FAAH2: variants seen among roughly 807,000 people sequenced by gnomAD.
FAAH2 encodes the protein fatty acid amide hydrolase 2.
A neutral mutation model predicts 36.9 loss-of-function variants in FAAH2; 60 were observed. The ratio of observed to expected loss-of-function variants is 1.63; its 90% confidence interval spans 1.32 to 2.02. The LOEUF is 2.02. Ranked by LOEUF, FAAH2 falls within the 30% of genes most tolerant of loss-of-function variation. The pLI is 0.00. For synonymous variants in FAAH2, 214 were observed against 143.8 expected, an observed-to-expected ratio of 1.49 and a Z score of -3.49; for missense variants, 689 against 397.5, an observed-to-expected ratio of 1.73 and a Z score of -6.23.
intron 3 of FAAH2, among the ~76,000 whole-genome samples, chrX:57,312,264 G>A (rs1451597925): frequency 8.9e-5 from 10 of 112,022 alleles, no homozygotes; most frequent in South Asian, 7.4e-4. Flanking sequence ...ACTAGCTACC[G>A]GCCATTACTC....
At chrX:57,295,564 C>T (rs142353612) in intron 2 of FAAH2, among the ~76,000 whole-genome samples, 3,157 of 111,936 alleles carry the variant, frequency 0.028, 117 homozygotes, top group African/African-American at 0.096. Flanking sequence ...GCATTTCCAA[C>T]GGAGGTACTG....
rs891843079 is a variant in FAAH2 at position 57,395,360 on chromosome X, C to A, written c.996+14331C>A. On this transcript the variant is annotated intron_variant, in intron 7 of 10. Coordinates refer to ENST00000374900, the MANE Select transcript of FAAH2 (RefSeq NM_174912.4). ...AGTGACTTGATTCTTCAGTCTCGCC[C>A]TTATTTGTGCGGAGATCTCCTTCCT... 4.3e-6 allele frequency: 3 copies of A among 692,534 alleles called. No individual in the cohort carries two copies. The African/African-American group carries it at 6.5e-5, about 15-fold the overall frequency. 57.1% of individuals were successfully genotyped at this position (692,534 alleles called of 1,213,427 possible).
chrX:57,199,721 C>A, the FAAH2 span, among the ~76,000 whole-genome samples: 1 of 111,321 alleles, frequency 9.0e-6, no homozygotes, highest in Non-Finnish European at 1.9e-5. Context: ...CTATCTCTCT[C>A]CTTAGTAATA....
chrX:57,332,749 G>T (rs774274784), intron 4 of FAAH2, among the ~76,000 whole-genome samples: 17 of 112,079 alleles, frequency 1.5e-4, no homozygotes, highest in African/African-American at 5.2e-4. Context: ...AGATTGGAGA[G>T]AAATCTTCTC....
the FAAH2 span, among the ~76,000 whole-genome samples, chrX:57,203,027 C>T: frequency 3.6e-5 from 4 of 111,781 alleles, no homozygotes; most frequent in Non-Finnish European, 7.5e-5. Flanking sequence ...GTGCTGACAC[C>T]AGCTCAGTGG....
chrX:57,322,647 A>G (rs1263074231), intron 3 of FAAH2, among the ~76,000 whole-genome samples: 1 of 110,464 alleles, frequency 9.1e-6, no homozygotes, highest in East Asian at 2.8e-4. Context: ...TGAGTTCTAG[A>G]TTCGGTCTCT....
chrX:57,462,165 CAAAAAAAAA>C (rs34690622), intron 10 of FAAH2, among the ~76,000 whole-genome samples: 4 of 51,863 alleles, frequency 7.7e-5, no homozygotes, highest in Non-Finnish European at 1.4e-4. Flanking sequence ...TAATAGCCTA[CAAAAAAAAA>C]AAAAAAAAAA....
At chrX:57,308,010 C>A (rs1407675238) in intron 2 of FAAH2, among the ~76,000 whole-genome samples, 2 of 111,558 alleles carry the variant, frequency 1.8e-5, no homozygotes, top group African/African-American at 6.5e-5. Context: ...TTCCATGATG[C>A]ATATACACCA....
chrX:57,428,974 A>C (rs2056228242), intron 7 of FAAH2, among the ~76,000 whole-genome samples: 1 of 111,728 alleles, frequency 9.0e-6, no homozygotes. Context: ...CTATTTACAA[A>C]CAATACATCC....
intron 10 of FAAH2, among the ~76,000 whole-genome samples, chrX:57,466,247 C>T (rs1290386400): frequency 3.9e-5 from 4 of 103,132 alleles, no homozygotes; most frequent in Non-Finnish European, 5.9e-5. Context: ...AGCTATTTTG[C>T]TGCAAACTTT....
chrX:57,399,065 C>T lies in FAAH2; in HGVS notation c.996+18036C>T, dbSNP rs188459330. On this transcript the variant is annotated intron_variant, in intron 7 of 10. Transcript: ENST00000374900. ...ACTAGCAGGCCGGTCCAGGAATCCA[C>T]GGTAGATCTTAGTCATGGACTGCAA... is the stretch of plus-strand genomic sequence containing the variant. Among the ~76,000 whole-genome samples the T allele has an allele frequency of 6.9e-3, 764 of 111,384 alleles. 6 individuals carry two copies. The highest frequency in any genetic ancestry group is 0.014 in the Middle Eastern group (3 of 217).
chrX:57,249,568 G>T, the FAAH2 span, among the ~76,000 whole-genome samples: 1 of 111,832 alleles, frequency 8.9e-6, no homozygotes, highest in Non-Finnish European at 1.9e-5. Flanking sequence ...GTATAAGCAA[G>T]TGCTGAAAAA....
At chrX:57,392,583 G>A (rs1323428893) in intron 7 of FAAH2, 43 of 813,007 alleles carry the variant, frequency 5.3e-5, no homozygotes, top group Non-Finnish European at 7.3e-5. Flanking sequence ...CTCCCAGTGG[G>A]CCTGAATAGA....
At chrX:57,318,745 T>A (rs1430475938) in intron 3 of FAAH2, among the ~76,000 whole-genome samples, 2 of 112,092 alleles carry the variant, frequency 1.8e-5, no homozygotes, top group African/African-American at 3.2e-5. Context: ...CCAATATCCT[T>A]GATGAACATC....
Position 57,447,695 on chromosome X carries a change from C to T in FAAH2, c.1228+656C>T, listed in dbSNP as rs929951172. 3.6e-5 allele frequency among the ~76,000 whole-genome samples: 4 copies of T among 110,382 alleles called. No individual in the cohort carries two copies. The Admixed American group carries it at 3.9e-4, about 11-fold the overall frequency. ...ATCTTGGCCCCTTTTAGCCATGATT[C>T]TAGCCATGGCTAGAGGGGCTGGAAT... On this transcript the variant is annotated intron_variant, in intron 9 of 10. Transcript: ENST00000374900.
At chrX:57,444,151 G>A (rs1378423581) in intron 8 of FAAH2, among the ~76,000 whole-genome samples, 3 of 112,375 alleles carry the variant, frequency 2.7e-5, no homozygotes, top group South Asian at 7.4e-4. Context: ...CAGACAGGAC[G>A]TTTAATTCTG....
intron 7 of FAAH2, chrX:57,394,501 A>T: frequency 2.5e-6 from 3 of 1,204,887 alleles, no homozygotes; most frequent in Non-Finnish European, 3.4e-6. Flanking sequence ...CACTTGGAAC[A>T]GGTGTCTTGA....
At chrX:57,346,181 A>G (rs1380946845) in intron 5 of FAAH2, among the ~76,000 whole-genome samples, 2 of 111,066 alleles carry the variant, frequency 1.8e-5, no homozygotes, top group Non-Finnish European at 3.8e-5. Context: ...TTTATTGGTT[A>G]GTTTTCTGCC....
chrX:57,299,153 A>G (rs1343020052), intron 2 of FAAH2, among the ~76,000 whole-genome samples: 1 of 111,790 alleles, frequency 8.9e-6, no homozygotes, highest in Non-Finnish European at 1.9e-5. Flanking sequence ...CACAACAAAA[A>G]AAAGAGAATT....
Sources: allele counts gnomAD v4.1 joint callset (sites outside exome capture counted in the v4.1 genomes callset), GRCh38; gene constraint gnomAD v4.1.1; transcripts MANE v1.5; gene names NCBI Gene and HGNC (gene_info 2026-07-23, HGNC 2026-07-21).